AFF1: variants seen among roughly 807,000 people sequenced by gnomAD.
The protein encoded by AFF1 is ALF transcription elongation factor 1.
In AFF1, 48 loss-of-function variants were observed where a neutral mutation model predicts 121.7. That is an observed-to-expected ratio of 0.39 (90% CI 0.31 to 0.50). The LOEUF (loss-of-function observed/expected upper bound fraction) is 0.50. Ranked by LOEUF, AFF1 falls within the 20% of genes least tolerant of loss-of-function variation. AFF1 has a pLI of 0.76. For missense variants in AFF1, 1,523 were observed against 1,511.7 expected, an observed-to-expected ratio of 1.01 and a Z score of -0.12; for synonymous variants, 613 against 563.0, an observed-to-expected ratio of 1.09 and a Z score of -1.26.
intron 4 of AFF1, among the ~76,000 whole-genome samples, chr4:87,052,612 G>C (rs1461895964): frequency 1.3e-5 from 2 of 152,034 alleles, no homozygotes; most frequent in Non-Finnish European, 1.5e-5. Context: ...GAGCAGGGGA[G>C]GGACATATCT....
chr4:87,134,314 G>C (rs577546432), intron 19 of AFF1, among the ~76,000 whole-genome samples, 157 bp from the exon 20 acceptor site: 1 of 152,212 alleles, frequency 6.6e-6, no homozygotes, highest in Non-Finnish European at 1.5e-5. Context: ...AGGGTGTCTC[G>C]TTGACCTTGT....
intron 2 of AFF1, among the ~76,000 whole-genome samples, chr4:86,985,214 T>TATATATATATATATATATATATAA (rs1277485096): frequency 6.7e-5 from 7 of 104,538 alleles, no homozygotes; most frequent in African/African-American, 2.3e-4. Flanking sequence ...TATATATATA[T>TATATATATATATATATATATATAA]AAAATTATAT....
intron 2 of AFF1, among the ~76,000 whole-genome samples, chr4:86,955,347 G>A (rs548662950): frequency 5.9e-5 from 9 of 152,136 alleles, no homozygotes; most frequent in East Asian, 1.9e-4. Flanking sequence ...TTGTTCAAAC[G>A]CCAAATTTTA....
At chr4:87,040,508 C>T (rs895117380) in intron 2 of AFF1, among the ~76,000 whole-genome samples, 6 of 151,960 alleles carry the variant, frequency 3.9e-5, no homozygotes, top group African/African-American at 1.5e-4. Context: ...AGCTTTCTTG[C>T]CAGGCATTGG....
intron 4 of AFF1, among the ~76,000 whole-genome samples, chr4:87,078,038 A>G (rs1049519492): frequency 6.6e-6 from 1 of 152,212 alleles, no homozygotes; most frequent in African/African-American, 2.4e-5. Context: ...GACTATTGCC[A>G]AATTAATGTC....
At chr4:87,008,404 A>G (rs1160327532) in intron 2 of AFF1, among the ~76,000 whole-genome samples, 1 of 152,232 alleles carries the variant, frequency 6.6e-6, no homozygotes, top group Non-Finnish European at 1.5e-5. Flanking sequence ...CCTACGAAAT[A>G]GAACTTTCTA....
intron 2 of AFF1, among the ~76,000 whole-genome samples, chr4:87,031,285 C>G (rs1006921890): frequency 3.9e-5 from 6 of 152,180 alleles, no homozygotes; most frequent in Admixed American, 6.5e-5. Flanking sequence ...GCCTCTTTCT[C>G]TCTTGGAAAC....
intron 2 of AFF1, among the ~76,000 whole-genome samples, chr4:87,035,276 A>C (rs6856436): frequency 0.036 from 5,524 of 152,104 alleles, 318 homozygotes; most frequent in African/African-American, 0.13. Flanking sequence ...ATACTCACCC[A>C]GGAGGCCTGG....
intron 12 of AFF1, 103 bp from the exon 13 acceptor site, chr4:87,124,934 C>A: frequency 6.4e-6 from 6 of 935,536 alleles, no homozygotes; most frequent in Non-Finnish European, 9.3e-6. Context: ...AGAGATGTCT[C>A]CAAAGGTTCC....
intron 4 of AFF1, among the ~76,000 whole-genome samples, chr4:87,051,517 A>G (rs1250064183): frequency 2.7e-5 from 4 of 150,856 alleles, no homozygotes; most frequent in Admixed American, 6.6e-5. Context: ...CTGGAGTGCA[A>G]TGGCGCAATC....
chr4:86,940,561 G>C (rs1362438131), intron 1 of AFF1, among the ~76,000 whole-genome samples: 2 of 152,004 alleles, frequency 1.3e-5, no homozygotes, highest in African/African-American at 4.8e-5. Context: ...ACCACGACCA[G>C]CTAATTTTTG....
chr4:87,098,110 C>T (rs1291329264), intron 8 of AFF1, among the ~76,000 whole-genome samples: 3 of 152,034 alleles, frequency 2.0e-5, no homozygotes, highest in African/African-American at 7.3e-5. Context: ...AATCCTTAGA[C>T]AAGTGGAATA....
intron 7 of AFF1, 39 bp from the exon 8 acceptor site, chr4:87,094,876 T>A: frequency 6.3e-7 from 1 of 1,595,622 alleles, no homozygotes; most frequent in Non-Finnish European, 8.6e-7. Context: ...CTTGTAAATA[T>A]GTGTCATTGT....
intron 4 of AFF1, among the ~76,000 whole-genome samples, chr4:87,068,767 G>GT: frequency 6.6e-6 from 1 of 152,224 alleles, no homozygotes; most frequent in Non-Finnish European, 1.5e-5. Flanking sequence ...TTATGGCTCA[G>GT]TACAAGGGAA....
intron 16 of AFF1, among the ~76,000 whole-genome samples, chr4:87,129,713 T>C (rs141606366): frequency 5.9e-4 from 90 of 152,334 alleles, no homozygotes; most frequent in African/African-American, 1.8e-3. Context: ...TTAGAATAAT[T>C]GAATATTCTG....
At chr4:87,060,835 C>CAAAAAAAAAAA (rs749186199) in intron 4 of AFF1, among the ~76,000 whole-genome samples, 29 of 62,246 alleles carry the variant, frequency 4.7e-4, no homozygotes, top group Non-Finnish European at 7.3e-4. Context: ...GACTCTGTCT[C>CAAAAAAAAAAA]AAAAAAAAAA....
Position 87,127,166 on chromosome 4 carries a change from T to TTC in AFF1, c.2903+49_2903+50insTC, listed in dbSNP as rs1553937307. The stretch of plus-strand genomic sequence containing the variant: ...TTGCTCTGTTTTGTTTTGTTTTGCT[T>TTC]CCCCCCCCCACCAAGATAGAGTCTC... On this transcript the variant is annotated intron_variant, in intron 15 of 20. Coordinates refer to ENST00000395146, the MANE Select transcript of AFF1 (RefSeq NM_001166693.3). The TTC allele has an allele frequency of 9.3e-5, 101 of 1,087,152 alleles. 2 individuals carry two copies. Among genetic ancestry groups the TTC allele is most frequent in the Admixed American group, 3.2e-4 (14 of 44,414 alleles). The allele number at this position is 1,087,152 out of a possible 1,614,324, so 67.3% of individuals were successfully genotyped here. A position where few individuals can be genotyped will look rare whatever the true frequency, so the allele number is the denominator to read the frequency against.
chr4:87,131,241 T>G (rs1728800326), intron 17 of AFF1, 22 bp downstream of exon 17: 1 of 1,613,064 alleles, frequency 6.2e-7, no homozygotes, highest in Non-Finnish European at 8.5e-7. Flanking sequence ...GTCATTGTGC[T>G]TTCCTCTTAA....
intron 7 of AFF1, among the ~76,000 whole-genome samples, chr4:87,092,487 T>A (rs1441305792): frequency 6.6e-6 from 1 of 152,222 alleles, no homozygotes; most frequent in African/African-American, 2.4e-5. Context: ...TTATAAGGAA[T>A]ATGACATACA....
Sources: allele counts gnomAD v4.1 joint callset (sites outside exome capture counted in the v4.1 genomes callset), GRCh38; gene constraint gnomAD v4.1.1; transcripts MANE v1.5; gene names NCBI Gene and HGNC (gene_info 2026-07-23, HGNC 2026-07-21).